HABP2: variants seen among roughly 807,000 people sequenced by gnomAD.
The protein encoded by HABP2 is factor VII-activating protease.
In HABP2, 65 loss-of-function variants were observed where a neutral mutation model predicts 66.5. The ratio of observed to expected loss-of-function variants is 0.98; its 90% CI spans 0.80 to 1.20. HABP2 has a LOEUF of 1.20. Ranked by LOEUF, HABP2 falls within the 50% of genes most tolerant of loss-of-function variation. HABP2 has a pLI of 0.00. For missense variants in HABP2, 786 were observed against 691.0 expected (o/e 1.14, Z -1.54); for synonymous variants, 263 against 253.9 (o/e 1.04, Z -0.34).
intron 7 of HABP2, 24 bp downstream of exon 7, chr10:113,578,822 C>T (rs1565105182): frequency 6.5e-7 from 1 of 1,533,796 alleles, no homozygotes; most frequent in Admixed American, 1.7e-5. Context: ...TATTTATGCT[C>T]AGTTGATTTT....
At position 113,588,349 on chromosome 10, in the gene HABP2, A is replaced by G; in HGVS notation, c.1663A>G (p.Lys555Glu). 6.2e-7 allele frequency: 1 copy of G among 1,613,380 alleles called. No homozygotes were observed. ...CCTGAATTGGATCAAAGCCACCATC[A>G]AAAGTGAAAGTGGCTTCTAAGGTAC... ...KFLNWIKATIKSESGF is the reference protein window; with the variant it reads ...KFLNWIKATIESESGF Residue 555 changes from lysine to glutamate, a missense_variant, in exon 13 of 13, where the codon AAA (lysine) becomes GAA (glutamate). Lys to Glu is a moderately conservative substitution (Grantham distance 56, BLOSUM62 1). Transcript: ENST00000351270.
chr10:113,586,080 C>T (rs1171851860), intron 12 of HABP2, 142 bp downstream of exon 12: 2 of 690,314 alleles, frequency 2.9e-6, no homozygotes, highest in Admixed American at 2.5e-5. Flanking sequence ...GCTGTGTCTG[C>T]CCCCTGGCCC....
chr10:113,562,736 C>G (rs1457948296), intron 1 of HABP2, among the ~76,000 whole-genome samples: 1 of 152,234 alleles, frequency 6.6e-6, no homozygotes, highest in African/African-American at 2.4e-5. Flanking sequence ...TAAGCCACTG[C>G]GCCCGGCCCA....
chr10:113,585,457 T>C (rs1845616346), intron 11 of HABP2, among the ~76,000 whole-genome samples: 2 of 152,184 alleles, frequency 1.3e-5, no homozygotes, highest in African/African-American at 2.4e-5. Context: ...ATCCATCCAT[T>C]CATTCACTAA....
At chr10:113,585,480 C>T (rs908992294) in intron 11 of HABP2, among the ~76,000 whole-genome samples, 1 of 152,198 alleles carries the variant, frequency 6.6e-6, no homozygotes, top group African/African-American at 2.4e-5. Flanking sequence ...ATTGTGCCAG[C>T]CCTTTTGTTA....
At chr10:113,574,464 T>G (rs762953196) in intron 3 of HABP2, 59 bp downstream of exon 3, 11 of 806,540 alleles carry the variant, frequency 1.4e-5, no homozygotes, top group Non-Finnish European at 2.2e-5. Context: ...GGAGTGTATG[T>G]GGGACCACAT....
Position 113,588,413 on chromosome 10 carries a change from T to G in HABP2, c.*44T>G. The G allele has an allele frequency of 6.6e-7, 1 of 1,524,188 alleles. No homozygotes were observed. Among genetic ancestry groups the G allele is most frequent in the Non-Finnish European group, 8.9e-7 (1 of 1,118,706 alleles). 94.4% of individuals were successfully genotyped at this position (1,524,188 alleles called of 1,614,324 possible). On this transcript the variant is annotated 3_prime_UTR_variant, in exon 13 of 13. Transcript: ENST00000351270. ...TCAGAGCCCACTCTCCTTGGCACCC[T>G]GACACCGGGAGGCCTCATGGCCAAC... is the stretch of plus-strand genomic sequence containing the variant.
chr10:113,560,025 C>G (rs573253078), intron 1 of HABP2, among the ~76,000 whole-genome samples: 14 of 152,220 alleles, frequency 9.2e-5, no homozygotes, highest in Non-Finnish European at 1.9e-4. Context: ...AGGGTCTGAG[C>G]CAGTTCCTCT....
rs774418557 is a variant in HABP2 at position 113,584,262 on chromosome 10, G to A, written c.1352G>A (p.Gly451Asp). 5 of 1,614,046 alleles carry A rather than the reference G, an allele frequency of 3.1e-6. No homozygotes were observed. Among genetic ancestry groups the A allele is most frequent in the Non-Finnish European group, 3.4e-6 (4 of 1,179,892 alleles). ...TCTGGGAGTGAGTGCCACATCTCTG[G>A]CTGGGGTGTTACAGAAACAGGTGAG... ...FPSGSECHIS[G>D]WGVTETGKGS... Residue 451 changes from glycine (G) to aspartate (D), a missense_variant, in exon 11 of 13, where the codon GGC becomes GAC. Gly to Asp is a moderately conservative substitution (Grantham distance 94). Coordinates refer to ENST00000351270, the MANE Select transcript of HABP2 (RefSeq NM_004132.5).
intron 8 of HABP2, among the ~76,000 whole-genome samples, chr10:113,580,894 G>A (rs1415591289): frequency 6.6e-6 from 1 of 152,224 alleles, no homozygotes; most frequent in East Asian, 1.9e-4. Context: ...TGTGGGTTTA[G>A]GTCAGGTAGT....
chr10:113,576,018 C>T lies in HABP2; in HGVS notation c.331+14C>T. 3.9e-6 allele frequency: 5 copies of T among 1,281,624 alleles called. No individual in the cohort carries two copies. Among genetic ancestry groups the T allele is most frequent in the Non-Finnish European group, 5.7e-6 (5 of 876,684 alleles). 79.4% of individuals were successfully genotyped at this position (1,281,624 alleles called of 1,614,324 possible). A position where few individuals can be genotyped will look rare whatever the true frequency, so the allele number is the denominator to read the frequency against. ...AGTGTCAGAAAGGTGAGTCCGTCAT[C>T]ACTAGTCCACTCTTCCCTCTGAGTT... On this transcript the variant is annotated intron_variant, in intron 4 of 12. Coordinates refer to ENST00000351270, the MANE Select transcript of HABP2 (RefSeq NM_004132.5).
chr10:113,578,647 G>A lies in HABP2; in HGVS notation c.589G>A (p.Gly197Ser). 1.2e-6 allele frequency: 2 copies of A among 1,612,976 alleles called. No individual in the cohort carries two copies. The highest frequency in any genetic ancestry group is 1.7e-6 in the Non-Finnish European group (2 of 1,179,256). Residue 197 changes from glycine to serine, a missense_variant, in exon 7 of 13, where the codon GGC becomes AGC. Transcript: ENST00000351270. ...CGGAGGTTCTGATGACTGCTATGTTGGCGATGGCTACTCTTACCGAGGGAA... is the reference window on the plus strand; with the variant it reads ...CGGAGGTTCTGATGACTGCTATGTTAGCGATGGCTACTCTTACCGAGGGAA... ...CEIGSDDCYV[G>S]DGYSYRGKMN...
intron 1 of HABP2, among the ~76,000 whole-genome samples, chr10:113,563,549 A>G (rs982012682): frequency 6.8e-6 from 1 of 146,584 alleles, no homozygotes; most frequent in African/African-American, 2.5e-5. Flanking sequence ...CATCGGCTTC[A>G]GGCTCCCCGA....
intron 1 of HABP2, among the ~76,000 whole-genome samples, chr10:113,567,213 T>C (rs574579052): frequency 1.3e-5 from 2 of 152,322 alleles, no homozygotes; most frequent in South Asian, 4.1e-4. Context: ...GGCAGCCGTG[T>C]TCCAAAGCAA....
chr10:113,566,083 C>A (rs1345065053), intron 1 of HABP2, among the ~76,000 whole-genome samples: 1 of 152,184 alleles, frequency 6.6e-6, no homozygotes. Flanking sequence ...ATTAGAAATT[C>A]TGCAGAGGGT....
rs749533072 is a variant in HABP2 at position 113,553,071 on chromosome 10, C to A, written c.-51C>A. ...CATTTTTCCCCCCTAAAGGCATAGA[C>A]AACAAAAGAAATTTTATTGAGAGGA... On this transcript the variant is annotated 5_prime_UTR_variant, in exon 1 of 13. Coordinates refer to ENST00000351270, the MANE Select transcript of HABP2 (RefSeq NM_004132.5). 2.8e-6 allele frequency: 4 copies of A among 1,426,326 alleles called. No individual in the cohort carries two copies. The highest frequency in any genetic ancestry group is 3.0e-6 in the Non-Finnish European group (3 of 1,009,366). The allele number at this position is 1,426,326 out of a possible 1,614,324, so 88.4% of individuals were successfully genotyped here.
upstream of HABP2, among the ~76,000 whole-genome samples, chr10:113,551,332 A>C (rs769706566): frequency 4.6e-5 from 7 of 152,266 alleles, no homozygotes; most frequent in Non-Finnish European, 8.8e-5. Flanking sequence ...GCTGTAAAGA[A>C]GAAATGCATG....
intron 4 of HABP2, 79 bp downstream of exon 4, chr10:113,576,083 C>T (rs576145512): frequency 9.4e-5 from 77 of 820,306 alleles, no homozygotes; most frequent in Non-Finnish European, 1.3e-4. Context: ...AAGCACTGCG[C>T]AATGCCATGG....
At chr10:113,584,741 G>A (rs1845602188) in intron 11 of HABP2, among the ~76,000 whole-genome samples, 1 of 152,168 alleles carries the variant, frequency 6.6e-6, no homozygotes, top group Non-Finnish European at 1.5e-5. Context: ...CATTCATTAA[G>A]TCAGCCCTTA....
Sources: allele counts gnomAD v4.1 joint callset (sites outside exome capture counted in the v4.1 genomes callset), GRCh38; gene constraint gnomAD v4.1.1; transcripts MANE v1.5; gene names NCBI Gene and HGNC (gene_info 2026-07-23, HGNC 2026-07-21).